MPO: variants seen among roughly 807,000 people sequenced by gnomAD.
MPO encodes the protein myeloperoxidase.
A neutral mutation model predicts 69.4 loss-of-function variants in MPO; 57 were observed. The observed-to-expected ratio is 0.82, with a 90% CI of 0.66 to 1.02. The LOEUF (loss-of-function observed/expected upper bound fraction) is 1.02. MPO is among the 50% of genes least tolerant of loss of function. The probability of loss-of-function intolerance (pLI) is 0.00; values close to 1 mark genes in which losing one functional copy is unlikely to be tolerated. For synonymous variants in MPO, 426 were observed against 417.1 expected, an observed-to-expected ratio of 1.02 and a Z score of -0.26; for missense variants, 971 against 1,014.1, an observed-to-expected ratio of 0.96 and a Z score of 0.58.
intron 11 of MPO, among the ~76,000 whole-genome samples, chr17:58,271,093 C>T (rs895460262): frequency 6.6e-6 from 1 of 152,158 alleles, no homozygotes; most frequent in Non-Finnish European, 1.5e-5. Flanking sequence ...ACCCCTAGCC[C>T]GGCGGCCTCC....
At chr17:58,278,716 G>C (rs924021505) in intron 6 of MPO, 4 of 540,164 alleles carry the variant, frequency 7.4e-6, no homozygotes, top group African/African-American at 1.9e-5. Context: ...ACCTAACAAA[G>C]AGCCAGTGAT....
intron 6 of MPO, chr17:58,278,739 A>G: frequency 1.7e-6 from 1 of 573,210 alleles, no homozygotes; most frequent in East Asian, 3.0e-5. Context: ...CACCAACAGG[A>G]CTCCTGTCAG....
In MPO at chr17:58,278,044, C is replaced by T. The variant is rs1246839012; in HGVS notation, c.987G>A (p.Gln329=). ...CCACGAAGGAAGTGAGCGCGTTGAT[C>T]TGGTTGCGGATGGTGATGTTGCTCC... ...CPGSNITIRN[Q]INALTSFVDA... is the part of the protein sequence containing the mutation. The change falls in exon 7 of 12, where the codon CAG becomes CAA. Residue 329 remains glutamine, a synonymous_variant. Coordinates refer to ENST00000225275, the MANE Select transcript of MPO (RefSeq NM_000250.2). 1 of 1,613,498 alleles carries T rather than the reference C, an allele frequency of 6.2e-7. No individual in the cohort carries two copies. Among genetic ancestry groups the T allele is most frequent in the Admixed American group, 1.7e-5 (1 of 60,032 alleles).
At chr17:58,274,635 C>T (rs944670328) in intron 8 of MPO, among the ~76,000 whole-genome samples, 2 of 151,798 alleles carry the variant, frequency 1.3e-5, no homozygotes, top group African/African-American at 2.4e-5. Context: ...CACTGGGTAA[C>T]GTGGCGAAAC....
rs1970349084 is a variant in MPO at position 58,270,198 on chromosome 17, C to T, written c.*458G>A. ...AGTAGGTGCTCAATAAATGAAGAAC[C>T]AGAGGATACAAGTGGGCCCTCCAAG... On this transcript the variant is annotated 3_prime_UTR_variant, in exon 12 of 12. Coordinates refer to ENST00000225275, the MANE Select transcript of MPO (RefSeq NM_000250.2). The surrounding 1 kb of genome is among the most constrained non-coding windows in gnomAD (Gnocchi z 4.1). 3.3e-6 allele frequency: 1 copy of T among 299,512 alleles called. No homozygotes were observed. Among genetic ancestry groups the T allele is most frequent in the Admixed American group, 4.6e-5 (1 of 21,534 alleles). 18.6% of individuals were successfully genotyped at this position (299,512 alleles called of 1,614,324 possible).
chr17:58,270,650 TGGCCTCTAGGA>T lies in MPO; in HGVS notation c.2233_*5del. On this transcript the variant is annotated stop_retained_variant and 3_prime_UTR_variant, in exon 12 of 12. Transcript: ENST00000225275. This position sits in a 1 kb window ranked among gnomAD's most constrained non-coding sequence, Gnocchi z 4.1. ...CCCCTCACTGCTGCACCCCCTTACC[TGGCCTCTAGGA>T]GGCTTCCCTCCAGGAAGCCAGGTTC... 6.2e-7 allele frequency: 1 copy of T among 1,605,318 alleles called. No homozygotes were observed. Among genetic ancestry groups the T allele is most frequent in the South Asian group, 1.1e-5 (1 of 89,796 alleles).
chr17:58,272,889 T>G lies in MPO; in HGVS notation c.1651A>C (p.Met551Leu). ...GGIDPILRGLMATPAKLNRQN... is the reference protein window; with the variant it reads ...GGIDPILRGLLATPAKLNRQN... ...CGATTCAGCTTGGCAGGGGTGGCCA[T>G]GAGGCCCCGGAGGATGGGGTCAATG... is the stretch of plus-strand genomic sequence containing the variant. The change falls in exon 10 of 12, where the codon ATG becomes CTG. Residue 551 changes from methionine to leucine, a missense_variant. By Grantham distance (15) the Met-to-Leu change is conservative. Coordinates refer to ENST00000225275, the MANE Select transcript of MPO (RefSeq NM_000250.2). The G allele has an allele frequency of 6.2e-7, 1 of 1,614,086 alleles. No individual in the cohort carries two copies. The highest frequency in any genetic ancestry group is 1.1e-5 in the South Asian group (1 of 91,082).
Position 58,279,430 on chromosome 17 carries a change from C to A in MPO, c.549-4G>T. 1 of 1,610,682 alleles carries A rather than the reference C, an allele frequency of 6.2e-7. No individual in the cohort carries two copies. The highest frequency in any genetic ancestry group is 1.7e-5 in the Admixed American group (1 of 59,568). On this transcript the variant is annotated splice_polypyrimidine_tract_variant and splice_region_variant and intron_variant, in intron 4 of 11. Coordinates refer to ENST00000225275, the MANE Select transcript of MPO (RefSeq NM_000250.2). The stretch of plus-strand genomic sequence containing the variant: ...GGCCCCCAGCGTGGGGCTGCGTCTG[C>A]AGGGGAGGACAGGGCGCTGACACCG...
At chr17:58,273,234 C>T (rs943009792) in intron 9 of MPO, among the ~76,000 whole-genome samples, 180 bp downstream of exon 9, 2 of 152,186 alleles carry the variant, frequency 1.3e-5, no homozygotes, top group Non-Finnish European at 2.9e-5. Flanking sequence ...CCATCCCCAC[C>T]CCACTGTTTA....
In MPO at chr17:58,273,412, A is replaced by G. The variant is rs1555607599; in HGVS notation, c.1621+2T>C. 2 of 1,614,040 alleles carry G rather than the reference A, an allele frequency of 1.2e-6. No homozygotes were observed. Among genetic ancestry groups the G allele is most frequent in the Non-Finnish European group, 1.7e-6 (2 of 1,179,994 alleles). On this transcript the variant is annotated splice_donor_variant, in intron 9 of 11. Coordinates refer to ENST00000225275, the MANE Select transcript of MPO (RefSeq NM_000250.2). LOFTEE classifies it high-confidence loss of function. ...CTCGCTCCTGGCCTAGGTCCTGCTT[A>G]CCTTCCAGCACGACCCTCCAGGAGG...
intron 2 of MPO, 163 bp from the exon 3 acceptor site, chr17:58,280,177 C>G: frequency 1.9e-6 from 2 of 1,069,718 alleles, no homozygotes; most frequent in Non-Finnish European, 1.4e-6. Context: ...CAGACAGAGG[C>G]AAGGCTTTGG....
In MPO at chr17:58,280,763, C is replaced by A. The variant is rs781374720; in HGVS notation, c.-5G>T. 2.5e-6 allele frequency: 4 copies of A among 1,614,116 alleles called. No homozygotes were observed. The highest frequency in any genetic ancestry group is 1.6e-4 in the Middle Eastern group (1 of 6,062). ...AGAGAAGAAGGGAACCCCCATCTCT[C>A]TTCTCCTGGGCTGCTCAATCCCCCT... On this transcript the variant is annotated 5_prime_UTR_variant, in exon 1 of 12. Transcript: ENST00000225275.
chr17:58,278,410 G>A (rs1236219056), intron 6 of MPO, among the ~76,000 whole-genome samples: 2 of 152,064 alleles, frequency 1.3e-5, no homozygotes, highest in African/African-American at 2.4e-5. Context: ...CTAAAGCGTC[G>A]CCCGTCTCTC....
rs551005600 is a variant in MPO, at chr17:58,279,438, G to T, written c.549-12C>A. On this transcript the variant is annotated splice_polypyrimidine_tract_variant and intron_variant, in intron 4 of 11. Transcript: ENST00000225275. Reference sequence around the variant, plus strand: ...GCGTGGGGCTGCGTCTGCAGGGGAGGACAGGGCGCTGACACCGGGAGGCTT... The same window carrying T: ...GCGTGGGGCTGCGTCTGCAGGGGAGTACAGGGCGCTGACACCGGGAGGCTT... The T allele has an allele frequency of 1.2e-6, 2 of 1,611,312 alleles. No individual in the cohort carries two copies. Among genetic ancestry groups the T allele is most frequent in the African/African-American group, 2.7e-5 (2 of 75,040 alleles).
At position 58,277,938 on chromosome 17, in the gene MPO, C is replaced by T. The variant is rs1446697754; in HGVS notation, c.1093G>A (p.Val365Ile). The T allele has an allele frequency of 2.5e-6, 4 of 1,613,004 alleles. No individual in the cohort carries two copies. The highest frequency in any genetic ancestry group is 2.2e-5 in the East Asian group (1 of 44,880). The change falls in exon 7 of 12, where the codon GTC (valine) becomes ATC (isoleucine). Residue 365 changes from valine to isoleucine, a missense_variant. Transcript: ENST00000225275. ...CCGTTGTCTTGGAAGCGCTGGTTGA[C>T]GGCCAGCAGCCCCAGCTGGTTGGAC... ...NMSNQLGLLA[V>I]NQRFQDNGRA...
At chr17:58,276,958 A>T (rs1170932245) in intron 7 of MPO, among the ~76,000 whole-genome samples, 3 of 152,156 alleles carry the variant, frequency 2.0e-5, no homozygotes, top group Non-Finnish European at 4.4e-5. Context: ...AATACAAAAA[A>T]TTAGCCAAGT....
rs767219928 is a variant in MPO at position 58,280,026 on chromosome 17, AAGG to A, written c.249-15_249-13del. 6.2e-7 allele frequency: 1 copy of A among 1,612,010 alleles called. No homozygotes were observed. Among genetic ancestry groups the A allele is most frequent in the Admixed American group, 1.7e-5 (1 of 60,022 alleles). ...GCCGCTGCTTGATGCTGCTTGGAGA[AAGG>A]AGGAGTGAGGGCCAGAGAAGGGATA... On this transcript the variant is annotated splice_polypyrimidine_tract_variant and intron_variant, in intron 2 of 11. Coordinates refer to ENST00000225275, the MANE Select transcript of MPO (RefSeq NM_000250.2).
At chr17:58,278,694 A>G in intron 6 of MPO, 1 of 498,916 alleles carries the variant, frequency 2.0e-6, no homozygotes, top group East Asian at 3.8e-5. Context: ...CTCCTCCCAG[A>G]ACCCTCTCCC....
At position 58,272,748 on chromosome 17, in the gene MPO, C is replaced by A. The variant is rs529845670; in HGVS notation, c.1792G>T (p.Gly598Ter). The change falls in exon 10 of 12, where the codon GGA becomes TGA. Residue 598 changes from glycine to a stop codon, truncating the protein, a stop_gained and splice_region_variant. Coordinates refer to ENST00000225275, the MANE Select transcript of MPO (RefSeq NM_000250.2). LOFTEE classifies it high-confidence loss of function. ...MQRSRDHGLPGYNAWRRFCGL... is the reference protein window; with the variant it reads ...MQRSRDHGLP Reference sequence around the variant, plus strand: ...AGGGGAGACTCCTGCAGCCCCTCACCTGGGAGGCCGTGGTCCCTGCTGCGC... The same window carrying A: ...AGGGGAGACTCCTGCAGCCCCTCACATGGGAGGCCGTGGTCCCTGCTGCGC... 8 of 1,613,540 alleles carry A rather than the reference C, an allele frequency of 5.0e-6. No homozygotes were observed. The Admixed American group carries it at 8.3e-5, about 17-fold the overall frequency.
Sources: gnomAD v4.1 joint callset for allele counts (sites outside exome capture counted in the v4.1 genomes callset) on GRCh38, gnomAD v4.1.1 for gene constraint, Gnocchi (gnomAD v3.1) non-coding constraint, MANE v1.5 for transcripts, NCBI Gene and HGNC (gene_info 2026-07-23, HGNC 2026-07-21) for gene names.